NAV3: variants seen among roughly 807,000 people sequenced by gnomAD.
NAV3 encodes neuron navigator 3.
A neutral mutation model predicts 244.7 loss-of-function variants in NAV3; 87 were observed. The observed-to-expected ratio is 0.36, with a 90% confidence interval of 0.30 to 0.42. The LOEUF is 0.42. Among genes scored for constraint, NAV3 ranks in the 20% least tolerant of loss-of-function variants. The pLI is 1.00. For synonymous variants in NAV3, 1,126 were observed against 1,042.2 expected (o/e 1.08, Z -1.55); for missense variants, 2,663 against 2,893.3 (o/e 0.92, Z 1.83).
intron 2 of NAV3, among the ~76,000 whole-genome samples, chr12:77,705,071 T>C (rs570381847): frequency 6.6e-6 from 1 of 152,200 alleles, no homozygotes; most frequent in African/African-American, 2.4e-5. Context: ...TTTGTAACAT[T>C]CATGTATTGT....
intron 1 of NAV3, among the ~76,000 whole-genome samples, chr12:77,866,674 C>T (rs898143943): frequency 2.0e-5 from 3 of 152,200 alleles, no homozygotes; most frequent in Admixed American, 1.3e-4. Context: ...TTTAAAACCT[C>T]ATATGTTTGA....
intron 23 of NAV3, among the ~76,000 whole-genome samples, chr12:78,160,720 G>C (rs955035650): frequency 6.6e-6 from 1 of 151,914 alleles, no homozygotes; most frequent in African/African-American, 2.4e-5. Flanking sequence ...AGTATTATTA[G>C]CACATTGTAT....
rs994190889 is a variant in NAV3, at chr12:77,738,965, T to G, written c.72+166699T>G. On this transcript the variant is annotated intron_variant, in intron 2 of 8. Coordinates refer to the NAV3 transcript ENST00000550042. ...AGGCGGAGCTTGCAGTGAGCCGAGA[T>G]CGCGCTACTGCACTCCAGCATGGGC... 1.1e-3 allele frequency among the ~76,000 whole-genome samples: 144 copies of G among 127,796 alleles called. 2 individuals carry two copies. The highest frequency in any genetic ancestry group is 3.9e-3 in the African/African-American group (131 of 33,584). 83.8% of individuals were successfully genotyped at this position (127,796 alleles called of 152,430 possible). A position where few individuals can be genotyped will look rare whatever the true frequency, so the allele number is the denominator to read the frequency against.
Position 78,199,493 on chromosome 12 carries a change from G to GT in NAV3, c.6683dup (p.Leu2228PhefsTer8), listed in dbSNP as rs754347582. 6.2e-7 allele frequency: 1 copy of GT among 1,602,032 alleles called. No individual in the cohort carries two copies. Among genetic ancestry groups the GT allele is most frequent in the Non-Finnish European group, 8.5e-7 (1 of 1,176,152 alleles). Reference sequence around the variant, plus strand: ...CCGAAGACGTGGCATCATCTCAACAGTTTTTTGGAAACACACAGTTCTTCT... The same window carrying GT: ...CCGAAGACGTGGCATCATCTCAACAGTTTTTTTGGAAACACACAGTTCTTCT... On this transcript the variant is annotated frameshift_variant, in exon 37 of 40. Transcript: ENST00000397909. LOFTEE classifies it high-confidence loss of function.
intron 12 of NAV3, among the ~76,000 whole-genome samples, chr12:78,096,613 T>G (rs1158483267): frequency 6.6e-6 from 1 of 152,134 alleles, no homozygotes; most frequent in Non-Finnish European, 1.5e-5. Flanking sequence ...GCAGGGGAAC[T>G]GCTCTCCATA....
At chr12:77,939,262 C>T (rs141680867) in intron 1 of NAV3, among the ~76,000 whole-genome samples, 345 of 152,124 alleles carry the variant, frequency 2.3e-3, no homozygotes, top group African/African-American at 7.6e-3. Flanking sequence ...CTGCTGTGTC[C>T]TAGATTTCTT....
rs1214933751 is a variant in NAV3 at position 77,691,333 on chromosome 12, G to GTACATATATATATATA, written c.72+119068_72+119069insACATATATATATATAT. ...TAGTCATATATAAGTATTTGTGTAT[G>GTACATATATATATATA]TGTGTATATATATATATATATACAT... On this transcript the variant is annotated intron_variant, in intron 2 of 8. Coordinates refer to the NAV3 transcript ENST00000550042. Among the ~76,000 whole-genome samples the GTACATATATATATATA allele has an allele frequency of 8.7e-3, 875 of 100,880 alleles. 38 individuals carry two copies. Among genetic ancestry groups the GTACATATATATATATA allele is most frequent in the African/African-American group, 0.028 (717 of 26,060 alleles). 66.2% of individuals were successfully genotyped at this position (100,880 alleles called of 152,430 possible).
intron 5 of NAV3, among the ~76,000 whole-genome samples, chr12:77,972,449 CA>C (rs1383136367): frequency 1.2e-4 from 18 of 151,960 alleles, no homozygotes; most frequent in African/African-American, 4.4e-4. Flanking sequence ...TTATCTATGT[CA>C]GTATTTTTTT....
chr12:78,001,146 T>G (rs1038923743), intron 7 of NAV3, among the ~76,000 whole-genome samples: 2 of 152,174 alleles, frequency 1.3e-5, no homozygotes, highest in African/African-American at 2.4e-5. Context: ...CTAGTTTGCA[T>G]ATATAACTTG....
intron 8 of NAV3, among the ~76,000 whole-genome samples, chr12:78,010,267 CT>C (rs1875033602): frequency 6.6e-6 from 1 of 152,040 alleles, no homozygotes; most frequent in Non-Finnish European, 1.5e-5. Context: ...CTTTTATGTT[CT>C]TTCTGACTTT....
intron 1 of NAV3, among the ~76,000 whole-genome samples, chr12:77,856,945 T>A (rs997714263): frequency 6.6e-6 from 1 of 152,190 alleles, no homozygotes; most frequent in Non-Finnish European, 1.5e-5. Flanking sequence ...GCTAATTTTT[T>A]AGATTTCATT....
intron 1 of NAV3, among the ~76,000 whole-genome samples, chr12:77,905,470 G>C (rs999016725): frequency 1.3e-5 from 2 of 151,992 alleles, no homozygotes; most frequent in Non-Finnish European, 2.9e-5. Flanking sequence ...TCACTTATAG[G>C]ACTGTTGAGA....
At chr12:77,729,391 A>G (rs951344483) in intron 2 of NAV3, among the ~76,000 whole-genome samples, 2 of 152,032 alleles carry the variant, frequency 1.3e-5, no homozygotes, top group African/African-American at 4.8e-5. Context: ...AGGGAAATCT[A>G]CTTAGACATA....
chr12:77,631,095 A>C (rs1252712572), intron 2 of NAV3, among the ~76,000 whole-genome samples: 1 of 152,226 alleles, frequency 6.6e-6, no homozygotes. Context: ...GCAGTTACAG[A>C]TGTAAGCATG....
chr12:77,959,912 C>CAAAAAAAAAAA (rs57550714), intron 3 of NAV3, among the ~76,000 whole-genome samples: 3 of 64,686 alleles, frequency 4.6e-5, no homozygotes, highest in Admixed American at 2.7e-4. Flanking sequence ...CCTGACCCGA[C>CAAAAAAAAAAA]AAAAAAAAAA....
chr12:77,685,496 C>CAA (rs1223172659), intron 2 of NAV3, among the ~76,000 whole-genome samples: 1,330 of 28,764 alleles, frequency 0.046, 6 homozygotes, highest in East Asian at 0.34. Flanking sequence ...CACACACACA[C>CAA]ACACACACAC....
intron 2 of NAV3, among the ~76,000 whole-genome samples, chr12:77,707,082 T>C (rs538795604): frequency 7.2e-5 from 11 of 151,840 alleles, no homozygotes; most frequent in African/African-American, 2.7e-4. Context: ...TCTTTTTTTT[T>C]AATTATACTT....
At position 77,968,706 on chromosome 12, in the gene NAV3, A is replaced by C. The variant is rs772025678; in HGVS notation, c.671+4A>C. 1.2e-6 allele frequency: 2 copies of C among 1,609,882 alleles called. No homozygotes were observed. The highest frequency in any genetic ancestry group is 3.4e-5 in the Admixed American group (2 of 59,536). ...CCCAGCAAGATATGCAGTCCAGGTA[A>C]GGAAAGGAAGTAGGGAATGTGTTTC... is the stretch of plus-strand genomic sequence containing the variant. On this transcript the variant is annotated splice_donor_region_variant and intron_variant, in intron 5 of 39. Coordinates refer to ENST00000397909, the MANE Select transcript of NAV3 (RefSeq NM_001024383.2).
intron 2 of NAV3, among the ~76,000 whole-genome samples, chr12:77,776,816 A>C (rs1483630899): frequency 1.3e-5 from 2 of 152,184 alleles, no homozygotes; most frequent in East Asian, 3.9e-4. Flanking sequence ...CCCCGTCTCT[A>C]CTAAAAATAC....
Sources: gnomAD v4.1 joint callset for allele counts (sites outside exome capture counted in the v4.1 genomes callset) on GRCh38, gnomAD v4.1.1 for gene constraint, MANE v1.5 for transcripts, NCBI Gene and HGNC (gene_info 2026-07-23, HGNC 2026-07-21) for gene names.